Variants in DENND2B observed in about 807,000 individuals in gnomAD.
DENND2B encodes DENN domain containing 2B.
In DENND2B, 32 loss-of-function variants were observed where a neutral mutation model predicts 116.0. That is an observed-to-expected ratio of 0.28 (90% CI 0.21 to 0.37). DENND2B has a LOEUF of 0.37. Ranked by LOEUF, DENND2B falls within the 10% of genes least tolerant of loss-of-function variation. DENND2B has a pLI of 1.00. For synonymous variants in DENND2B, 588 were observed against 583.9 expected, an observed-to-expected ratio of 1.01 and a Z score of -0.10; for missense variants, 1,276 against 1,477.7, an observed-to-expected ratio of 0.86 and a Z score of 2.24.
At chr11:8,786,119 G>A (rs1195406755) in intron 1 of DENND2B, among the ~76,000 whole-genome samples, 1 of 152,144 alleles carries the variant, frequency 6.6e-6, no homozygotes, top group African/African-American at 2.4e-5. Context: ...GCATATTTTA[G>A]GCTCCATTTT....
At chr11:8,754,822 C>T (rs1314137989) in intron 1 of DENND2B, among the ~76,000 whole-genome samples, 1 of 152,144 alleles carries the variant, frequency 6.6e-6, no homozygotes, top group East Asian at 1.9e-4. Flanking sequence ...ACAGGCAAAC[C>T]TACAGAGACA....
At chr11:8,761,862 A>C (rs372741119) in intron 1 of DENND2B, among the ~76,000 whole-genome samples, 41 of 152,298 alleles carry the variant, frequency 2.7e-4, no homozygotes, top group African/African-American at 9.6e-4. Flanking sequence ...GCTTACGGAG[A>C]CTACTCCACC....
intron 4 of DENND2B, among the ~76,000 whole-genome samples, chr11:8,820,993 A>T (rs1318876290): frequency 1.3e-5 from 2 of 151,998 alleles, no homozygotes; most frequent in East Asian, 3.9e-4. Flanking sequence ...ATGATGGCGC[A>T]TGCCTTAATT....
At chr11:8,859,450 GGCGCCCGCCATC>G (rs1566060315) in intron 2 of DENND2B, among the ~76,000 whole-genome samples, 1 of 152,158 alleles carries the variant, frequency 6.6e-6, no homozygotes, top group Non-Finnish European at 1.5e-5. Context: ...TGGGACTACA[GGCGCCCGCCATC>G]GCGCCCGGCT....
intron 1 of DENND2B, chr11:8,785,214 G>A (rs1413406559): frequency 6.6e-6 from 1 of 152,148 alleles, no homozygotes; most frequent in Non-Finnish European, 1.5e-5. Context: ...CAGACCGTCA[G>A]CTTCATCCCC....
intron 14 of DENND2B, among the ~76,000 whole-genome samples, chr11:8,700,256 G>A (rs1195852088): frequency 6.6e-6 from 1 of 152,180 alleles, no homozygotes; most frequent in Non-Finnish European, 1.5e-5. Flanking sequence ...GGGGCCTCTT[G>A]GAACTGCTGT....
In DENND2B at chr11:8,730,682, C is replaced by T. The variant is rs1374432965; in HGVS notation, c.608G>A (p.Ser203Asn). The T allele has an allele frequency of 2.5e-6, 4 of 1,611,858 alleles. No individual in the cohort carries two copies. The highest frequency in any genetic ancestry group is 2.7e-5 in the African/African-American group (2 of 74,946). The change falls in exon 3 of 20, where the codon AGC becomes AAC. Residue 203 changes from serine (S) to asparagine (N), a missense_variant. Around this residue, in one of 2 missense-constraint regions of DENND2B, gnomAD observed 856 missense variants for 846.6 expected, o/e 1.01. Transcript: ENST00000313726. The surrounding 1 kb of genome is among the most constrained non-coding windows in gnomAD (Gnocchi z 4.1). ...SEWAASEGCP[S>N]LGCPSVVPSP... ...CGGCACCACGCTGGGACAGCCCAGG[C>T]TGGGGCAGCCCTCACTGGCCGCCCA...
intron 3 of DENND2B, among the ~76,000 whole-genome samples, chr11:8,855,958 G>C (rs532220169): frequency 3.4e-4 from 52 of 152,254 alleles, no homozygotes; most frequent in Non-Finnish European, 6.9e-4. Flanking sequence ...TAGAGAATTG[G>C]AGAACTCTCT....
chr11:8,755,590 T>C lies in DENND2B; in HGVS notation c.-25-4865A>G, dbSNP rs1329733377. On this transcript the variant is annotated intron_variant, in intron 1 of 19. Coordinates refer to ENST00000313726, the MANE Select transcript of DENND2B (RefSeq NM_213618.2). ...CCAAGGTGAATACGGCAGATGCTTC[T>C]GGAAAAAGGAAACCAACTCTAAGCC... 2.0e-5 allele frequency among the ~76,000 whole-genome samples: 3 copies of C among 152,150 alleles called. No homozygotes were observed. The East Asian group carries it at 5.8e-4, about 29-fold the overall frequency.
intron 1 of DENND2B, among the ~76,000 whole-genome samples, chr11:8,789,806 T>G (rs1279214825): frequency 3.3e-5 from 5 of 152,138 alleles, no homozygotes; most frequent in Non-Finnish European, 7.4e-5. Context: ...AATAGCAGAT[T>G]TAGCAGAGTG....
intron 2 of DENND2B, among the ~76,000 whole-genome samples, chr11:8,745,687 T>C (rs989360172): frequency 3.3e-5 from 5 of 152,228 alleles, no homozygotes; most frequent in Non-Finnish European, 5.9e-5. Context: ...CTTTTGAGGC[T>C]AGCTCATTAA....
chr11:8,719,749 C>T (rs1200534368), intron 4 of DENND2B, among the ~76,000 whole-genome samples: 1 of 152,224 alleles, frequency 6.6e-6, no homozygotes, highest in Non-Finnish European at 1.5e-5. Context: ...TGCCAGGACA[C>T]AGTCTTCTGA....
chr11:8,866,150 G>A (rs1318630688), intron 2 of DENND2B, among the ~76,000 whole-genome samples: 10 of 152,026 alleles, frequency 6.6e-5, no homozygotes, highest in South Asian at 2.1e-4. Context: ...TAGTAGAGAC[G>A]GGGTTTCACC....
intron 1 of DENND2B, among the ~76,000 whole-genome samples, chr11:8,780,010 C>T (rs930743319): frequency 6.6e-6 from 1 of 152,212 alleles, no homozygotes; most frequent in Non-Finnish European, 1.5e-5. Flanking sequence ...CTGTGTTGGC[C>T]TGGGTCAAGC....
chr11:8,903,267 G>A (rs1309904447), intron 1 of DENND2B, among the ~76,000 whole-genome samples: 2 of 152,060 alleles, frequency 1.3e-5, no homozygotes, highest in South Asian at 4.2e-4. Flanking sequence ...ACAAAAATTA[G>A]TCGGGTGTGG....
intron 1 of DENND2B, among the ~76,000 whole-genome samples, chr11:8,906,134 T>G (rs1589895022): frequency 2.6e-5 from 4 of 152,058 alleles, no homozygotes; most frequent in Admixed American, 2.6e-4. Context: ...CAAAAAATAC[T>G]GAAATATACA....
At chr11:8,765,006 C>G (rs1012887774) in intron 1 of DENND2B, among the ~76,000 whole-genome samples, 1 of 151,662 alleles carries the variant, frequency 6.6e-6, no homozygotes, top group African/African-American at 2.4e-5. Context: ...AACGCCTGGC[C>G]CCTAAATTCT....
At chr11:8,902,875 TAACATTATTATCGA>T (rs2064186943) in intron 1 of DENND2B, among the ~76,000 whole-genome samples, 1 of 152,226 alleles carries the variant, frequency 6.6e-6, no homozygotes, top group South Asian at 2.1e-4. Flanking sequence ...CATTCACATT[TAACATTATTATCGA>T]GATGGCTGAA....
At chr11:8,870,838 G>C (rs1212116063) in intron 2 of DENND2B, 1 of 152,320 alleles carries the variant, frequency 6.6e-6, no homozygotes, top group Non-Finnish European at 1.5e-5. Flanking sequence ...TACTCACGGA[G>C]CTGGACACCG....
Sources: gnomAD v4.1 joint callset for allele counts (sites outside exome capture counted in the v4.1 genomes callset) on GRCh38, gnomAD v4.1.1 for gene constraint, gnomAD v4.1.1 regional missense constraint, Gnocchi (gnomAD v3.1) non-coding constraint, MANE v1.5 for transcripts, NCBI Gene and HGNC (gene_info 2026-07-23, HGNC 2026-07-21) for gene names.